The following GLCE variants were observed in gnomAD, a reference collection of about 807,000 sequenced individuals.
GLCE encodes the protein D-glucuronyl C5-epimerase.
A neutral mutation model predicts 47.9 loss-of-function variants in GLCE; 19 were observed. The observed-to-expected ratio is 0.40, with a 90% confidence interval of 0.28 to 0.58. The LOEUF is 0.58. GLCE is among the 20% of genes least tolerant of loss of function. GLCE has a pLI of 0.48. For missense variants in GLCE, 556 were observed against 743.3 expected (o/e 0.75, Z 2.93); for synonymous variants, 245 against 263.4 (o/e 0.93, Z 0.68).
chr15:69,161,558 G>A (rs1248959012), intron 1 of GLCE, among the ~76,000 whole-genome samples: 1 of 152,204 alleles, frequency 6.6e-6, no homozygotes, highest in African/African-American at 2.4e-5. Context: ...CTCCGCAGGC[G>A]CTGGGTCCGC....
rs1214383279 is a variant in GLCE, at chr15:69,271,663, G to A, written c.*2419G>A. 1 of 152,364 alleles carries A rather than the reference G, an allele frequency of 6.6e-6. No individual in the cohort carries two copies. Among genetic ancestry groups the A allele is most frequent in the Non-Finnish European group, 1.5e-5 (1 of 68,018 alleles). 9.4% of individuals were successfully genotyped at this position (152,364 alleles called of 1,614,324 possible). A position where few individuals can be genotyped will look rare whatever the true frequency, so the allele number is the denominator to read the frequency against. On this transcript the variant is annotated 3_prime_UTR_variant, in exon 5 of 5. Coordinates refer to ENST00000261858, the MANE Select transcript of GLCE (RefSeq NM_015554.3). ...CTTTAAGATTATAGGTATTAGGTTTGTTTTTGTTTTTCCACTTATCTTGAG... is the reference window on the plus strand; with the variant it reads ...CTTTAAGATTATAGGTATTAGGTTTATTTTTGTTTTTCCACTTATCTTGAG...
chr15:69,188,032 C>G (rs2051851688), intron 1 of GLCE, among the ~76,000 whole-genome samples: 1 of 152,090 alleles, frequency 6.6e-6, no homozygotes, highest in South Asian at 2.1e-4. Context: ...CCACTGCACT[C>G]CAGCCTGGGT....
intron 2 of GLCE, among the ~76,000 whole-genome samples, chr15:69,240,828 G>A (rs2140418214): frequency 6.6e-6 from 1 of 152,114 alleles, no homozygotes; most frequent in Middle Eastern, 3.4e-3. Flanking sequence ...TTGACATAAA[G>A]GATAGAGTAC....
chr15:69,214,548 C>A (rs1595759390), intron 2 of GLCE, among the ~76,000 whole-genome samples: 2 of 152,114 alleles, frequency 1.3e-5, no homozygotes, highest in Admixed American at 1.3e-4. Context: ...AAACCTCTTT[C>A]CTTTATAAAT....
chr15:69,168,162 G>A (rs994041320), intron 1 of GLCE, among the ~76,000 whole-genome samples: 1 of 152,102 alleles, frequency 6.6e-6, no homozygotes, highest in South Asian at 2.1e-4. Flanking sequence ...GCCGGACACG[G>A]TGATGCATGC....
Position 69,268,242 on chromosome 15 carries a change from G to C in GLCE, c.852G>C (p.Leu284Phe), listed in dbSNP as rs779156904. 1 of 1,607,410 alleles carries C rather than the reference G, an allele frequency of 6.2e-7. No individual in the cohort carries two copies. ...CAGAAACCAGTGAAGGTGTATCCTT[G>C]CAACTGGGAAACACAAAAGATTTTA... ...IAPETSEGVS[L>F]QLGNTKDFII... The change falls in exon 5 of 5, where the codon TTG (leucine) becomes TTC (phenylalanine). Residue 284 changes from leucine (L) to phenylalanine (F), a missense_variant. By Grantham distance (22) the Leu-to-Phe change is conservative. This residue lies in a region of GLCE where 74 missense variants were observed against 64.4 expected (regional missense o/e 1.15). Coordinates refer to ENST00000261858, the MANE Select transcript of GLCE (RefSeq NM_015554.3).
intron 1 of GLCE, among the ~76,000 whole-genome samples, chr15:69,161,315 G>C (rs1455598136): frequency 1.3e-5 from 2 of 152,080 alleles, no homozygotes; most frequent in Non-Finnish European, 2.9e-5. Context: ...GGGTTCTGGG[G>C]AGAGGGGTCT....
intron 1 of GLCE, among the ~76,000 whole-genome samples, chr15:69,174,212 C>T (rs901130898): frequency 1.1e-4 from 17 of 152,190 alleles, no homozygotes; most frequent in African/African-American, 3.9e-4. Flanking sequence ...AGATTTTAGT[C>T]TTGTTTTAGA....
chr15:69,205,267 T>G (rs1015776083), intron 1 of GLCE, among the ~76,000 whole-genome samples: 1 of 152,106 alleles, frequency 6.6e-6, no homozygotes, highest in Non-Finnish European at 1.5e-5. Context: ...GACTGTTACA[T>G]ATCCATTTAC....
At chr15:69,233,961 A>G (rs2052559170) in intron 2 of GLCE, among the ~76,000 whole-genome samples, 1 of 151,288 alleles carries the variant, frequency 6.6e-6, no homozygotes, top group Non-Finnish European at 1.5e-5. Context: ...ATATACATAC[A>G]TATATGGAGA....
intron 2 of GLCE, among the ~76,000 whole-genome samples, chr15:69,246,002 T>G (rs1403931412): frequency 6.6e-6 from 1 of 152,198 alleles, no homozygotes; most frequent in East Asian, 1.9e-4. Flanking sequence ...GTACTGGGTT[T>G]ACAGGCGTGA....
intron 2 of GLCE, among the ~76,000 whole-genome samples, chr15:69,236,920 T>C (rs2052600347): frequency 6.6e-6 from 1 of 152,186 alleles, no homozygotes; most frequent in Non-Finnish European, 1.5e-5. Context: ...AAACTGCTGC[T>C]AGTCTCTTCC....
chr15:69,206,320 T>G (rs138857308), intron 1 of GLCE, among the ~76,000 whole-genome samples: 43 of 152,192 alleles, frequency 2.8e-4, no homozygotes, highest in African/African-American at 9.4e-4. Context: ...ACAGCATTAC[T>G]TGGCTAAGGT....
chr15:69,264,660 C>T (rs1238838578), intron 4 of GLCE, among the ~76,000 whole-genome samples: 7 of 152,130 alleles, frequency 4.6e-5, no homozygotes, highest in Admixed American at 3.3e-4. Flanking sequence ...ACCCAAAGTG[C>T]GCAAGGGTTT....
At chr15:69,173,434 T>C (rs2051615851) in intron 1 of GLCE, among the ~76,000 whole-genome samples, 1 of 152,216 alleles carries the variant, frequency 6.6e-6, no homozygotes, top group African/African-American at 2.4e-5. Flanking sequence ...GGTTGGCACA[T>C]GGAAGAAGGA....
chr15:69,236,144 T>C (rs768180713), intron 2 of GLCE, among the ~76,000 whole-genome samples: 11 of 152,260 alleles, frequency 7.2e-5, no homozygotes, highest in Non-Finnish European at 1.3e-4. Context: ...TTCCATTGTA[T>C]GGATGAACCA....
chr15:69,164,870 T>A (rs756180165), intron 1 of GLCE, among the ~76,000 whole-genome samples: 1 of 152,224 alleles, frequency 6.6e-6, no homozygotes, highest in Non-Finnish European at 1.5e-5. Flanking sequence ...ATTATCTATA[T>A]AATAATATGT....
intron 1 of GLCE, among the ~76,000 whole-genome samples, chr15:69,199,577 A>G (rs2052047043): frequency 6.6e-6 from 1 of 152,180 alleles, no homozygotes; most frequent in South Asian, 2.1e-4. Flanking sequence ...CCTCTTATAA[A>G]ATGTTAGATA....
Position 69,255,799 on chromosome 15 carries a change from G to A in GLCE, c.-8G>A. ...TTTTCTTCTTGCCTCCATAGGTATG[G>A]TCTGAATATGCGTTGCTTGGCAGCT... On this transcript the variant is annotated 5_prime_UTR_variant, in exon 3 of 5. Coordinates refer to ENST00000261858, the MANE Select transcript of GLCE (RefSeq NM_015554.3). The A allele has an allele frequency of 6.3e-7, 1 of 1,585,168 alleles. No individual in the cohort carries two copies. Among genetic ancestry groups the A allele is most frequent in the Non-Finnish European group, 8.7e-7 (1 of 1,154,846 alleles).
Sources: allele counts gnomAD v4.1 joint callset (sites outside exome capture counted in the v4.1 genomes callset), GRCh38; gene constraint gnomAD v4.1.1; regional missense constraint gnomAD v4.1.1; transcripts MANE v1.5; gene names NCBI Gene and HGNC (gene_info 2026-07-23, HGNC 2026-07-21).